The following SLC22A23 variants were observed in gnomAD, a reference collection of about 807,000 sequenced individuals.
SLC22A23 encodes the protein solute carrier family 22 member 23, also known as ion transporter protein.
Under a neutral mutation model 61.0 loss-of-function variants are expected in SLC22A23, and 26 were observed. The observed-to-expected ratio is 0.43, with a 90% CI of 0.31 to 0.59. The LOEUF is 0.59. Among genes scored for constraint, SLC22A23 ranks in the 20% least tolerant of loss-of-function variants. SLC22A23 has a pLI of 0.11. For missense variants in SLC22A23, 796 were observed against 934.7 expected (o/e 0.85, Z 1.94); for synonymous variants, 430 against 413.9 (o/e 1.04, Z -0.47).
At chr6:3,312,264 T>G (rs1762404253) in intron 4 of SLC22A23, 1 of 152,220 alleles carries the variant, frequency 6.6e-6, no homozygotes, top group Admixed American at 6.5e-5. Context: ...TCCATGTGGC[T>G]GGGTTAACCT....
chr6:3,401,241 G>A (rs1462818756), intron 3 of SLC22A23, among the ~76,000 whole-genome samples: 1 of 152,238 alleles, frequency 6.6e-6, no homozygotes, highest in African/African-American at 2.4e-5. Context: ...GGGAGGCTGA[G>A]GCGGGAGAAT....
At chr6:3,314,505 C>T (rs1207968999) in intron 4 of SLC22A23, among the ~76,000 whole-genome samples, 1 of 152,174 alleles carries the variant, frequency 6.6e-6, no homozygotes, top group Non-Finnish European at 1.5e-5. Context: ...ACAGGGTCTT[C>T]AGGAAGATTT....
At chr6:3,287,681 T>TG (rs1760159627) in intron 6 of SLC22A23, among the ~76,000 whole-genome samples, 1 of 147,878 alleles carries the variant, frequency 6.8e-6, no homozygotes, top group African/African-American at 2.5e-5. Flanking sequence ...AACTGTTTTT[T>TG]TTTTTGTTTT....
chr6:3,367,630 A>G (rs1765922224), intron 3 of SLC22A23, among the ~76,000 whole-genome samples: 1 of 152,194 alleles, frequency 6.6e-6, no homozygotes, highest in Non-Finnish European at 1.5e-5. Flanking sequence ...GAGGAGCCTG[A>G]GGGACGTAAG....
rs1261225236 is a variant in SLC22A23, at chr6:3,388,336, A to T, written c.913+21852T>A. On this transcript the variant is annotated intron_variant, in intron 3 of 9. Transcript: ENST00000406686. ...AACAGAAACAAAATGCAATAAACAA[A>T]AACATCAGAGTGGAAAGTGTATGCA... 2.0e-5 allele frequency among the ~76,000 whole-genome samples: 3 copies of T among 152,342 alleles called. No homozygotes were observed. The East Asian group carries it at 5.8e-4, about 29-fold the overall frequency.
chr6:3,444,962 CCACCAAGGGGAGGAAGGAAGG>C (rs1771813565), intron 1 of SLC22A23: 2 of 985,418 alleles, frequency 2.0e-6, no homozygotes, highest in African/African-American at 3.5e-5. Flanking sequence ...CGTCCTCACC[CCACCAAGGGGAGGAAGGAAGG>C]CACCTGAGGC....
rs1481774695 is a variant in SLC22A23 at position 3,410,791 on chromosome 6, G to T, written c.759-449C>A. ...AAAGCGGCTTTGTTTCCTCTCCCCA[G>T]GTTGTTAACTAAGTCAGATACCTGA... On this transcript the variant is annotated intron_variant, in intron 2 of 9. Transcript: ENST00000406686. The surrounding 1 kb of genome is among the most constrained non-coding windows in gnomAD (Gnocchi z 5.0). Among the ~76,000 whole-genome samples, 1 of 152,138 alleles carries T rather than the reference G, an allele frequency of 6.6e-6. No individual in the cohort carries two copies. The highest frequency in any genetic ancestry group is 1.5e-5 in the Non-Finnish European group (1 of 68,010).
intron 3 of SLC22A23, among the ~76,000 whole-genome samples, chr6:3,331,334 T>C (rs1050483782): frequency 6.6e-6 from 1 of 152,230 alleles, no homozygotes; most frequent in Non-Finnish European, 1.5e-5. Flanking sequence ...AGCCTAGGAC[T>C]GTGCCTGACA....
intron 3 of SLC22A23, among the ~76,000 whole-genome samples, chr6:3,353,501 T>C (rs1475913507): frequency 4.6e-5 from 7 of 152,206 alleles, no homozygotes; most frequent in African/African-American, 1.2e-4. Context: ...GGATTCACGA[T>C]GTCACCTGCT....
chr6:3,450,483 T>A (rs894744994), intron 1 of SLC22A23, among the ~76,000 whole-genome samples: 5 of 152,142 alleles, frequency 3.3e-5, no homozygotes, highest in Non-Finnish European at 7.3e-5. Context: ...ATTTTTGTAT[T>A]TTTAGTAGAG....
chr6:3,356,105 GT>G lies in SLC22A23; in HGVS notation c.914-32104del, dbSNP rs1226296302. ...GGGGAGGAGGCGGGAGGAGGCGGGG[GT>G]GGGTGGAGGCGGGAGGGTGGGACTT... is the stretch of plus-strand genomic sequence containing the variant. On this transcript the variant is annotated intron_variant, in intron 3 of 9. Transcript: ENST00000406686. Among the ~76,000 whole-genome samples the G allele has an allele frequency of 6.5e-5, 3 of 46,178 alleles. 1 individual carries two copies. Among genetic ancestry groups the G allele is most frequent in the Non-Finnish European group, 9.2e-5 (2 of 21,768 alleles). 30.3% of individuals were successfully genotyped at this position (46,178 alleles called of 152,430 possible).
chr6:3,448,785 C>T (rs1294157421), intron 1 of SLC22A23, among the ~76,000 whole-genome samples: 6 of 152,172 alleles, frequency 3.9e-5, no homozygotes, highest in Admixed American at 3.3e-4. Context: ...TGAGCAACCG[C>T]GCCCAGCCCC....
chr6:3,330,573 G>A lies in SLC22A23; in HGVS notation c.914-6571C>T, dbSNP rs73720505. Among the ~76,000 whole-genome samples the A allele has an allele frequency of 0.026, 3,993 of 152,328 alleles. 195 individuals carry two copies. The highest frequency in any genetic ancestry group is 0.091 in the African/African-American group (3,791 of 41,560). The stretch of plus-strand genomic sequence containing the variant: ...AATAATTACTGCCACAGGCAAGGAC[G>A]CATGGCCCCCAGAATCCTGGAAAAT... On this transcript the variant is annotated intron_variant, in intron 3 of 9. Coordinates refer to ENST00000406686, the MANE Select transcript of SLC22A23 (RefSeq NM_015482.2). The surrounding 1 kb of genome is among the most constrained non-coding windows in gnomAD (Gnocchi z 4.7).
chr6:3,379,270 C>T (rs937219199), intron 3 of SLC22A23, among the ~76,000 whole-genome samples: 7 of 152,174 alleles, frequency 4.6e-5, no homozygotes, highest in African/African-American at 1.7e-4. Flanking sequence ...ATGCTCTTTC[C>T]TCTTGGCAAA....
chr6:3,403,767 TG>T (rs1308673195), intron 3 of SLC22A23, among the ~76,000 whole-genome samples: 1 of 152,246 alleles, frequency 6.6e-6, no homozygotes, highest in Admixed American at 6.5e-5. Flanking sequence ...ATTCTAAAAC[TG>T]GAAGTTACGT....
chr6:3,347,211 C>T (rs573493067), intron 3 of SLC22A23, among the ~76,000 whole-genome samples: 43 of 152,222 alleles, frequency 2.8e-4, no homozygotes, highest in Non-Finnish European at 4.7e-4. Context: ...CGCATCACTG[C>T]GGGACATTCA....
intron 3 of SLC22A23, among the ~76,000 whole-genome samples, chr6:3,377,244 C>A (rs975078879): frequency 3.9e-5 from 6 of 152,080 alleles, no homozygotes; most frequent in Non-Finnish European, 8.8e-5. Flanking sequence ...CCATCTGGGA[C>A]ATTACAGAAA....
intron 9 of SLC22A23, 70 bp from the exon 10 acceptor site, chr6:3,273,482 T>C: frequency 6.4e-7 from 1 of 1,562,008 alleles, no homozygotes; most frequent in Non-Finnish European, 8.7e-7. Flanking sequence ...AAGCTCGGGG[T>C]GGACCAGGAA....
At chr6:3,285,666 C>G (rs976489049) in intron 7 of SLC22A23, among the ~76,000 whole-genome samples, 2 of 152,218 alleles carry the variant, frequency 1.3e-5, no homozygotes, top group Admixed American at 1.3e-4. Context: ...ACAGGCGCCA[C>G]GTGTGCAATC....
Sources: gnomAD v4.1 joint callset for allele counts (sites outside exome capture counted in the v4.1 genomes callset) on GRCh38, gnomAD v4.1.1 for gene constraint, Gnocchi (gnomAD v3.1) non-coding constraint, MANE v1.5 for transcripts, NCBI Gene and HGNC (gene_info 2026-07-23, HGNC 2026-07-21) for gene names.